COL5A2: variants seen among roughly 807,000 people sequenced by gnomAD.
The protein encoded by COL5A2 is collagen alpha-2(V) chain.
A neutral mutation model predicts 208.2 loss-of-function variants in COL5A2; 23 were observed. The ratio of observed to expected loss-of-function variants is 0.11; its 90% confidence interval spans 0.08 to 0.16. The LOEUF (loss-of-function observed/expected upper bound fraction) is 0.16. Ranked by LOEUF, COL5A2 falls within the 10% of genes least tolerant of loss-of-function variation. The probability of loss-of-function intolerance (pLI) is 1.00; values close to 1 mark genes in which losing one functional copy is unlikely to be tolerated. For missense variants in COL5A2, 1,590 were observed against 1,956.4 expected, an observed-to-expected ratio of 0.81 and a Z score of 3.53; for synonymous variants, 625 against 628.5, an observed-to-expected ratio of 0.99 and a Z score of 0.08.
chr2:189,126,335 T>C (rs531141887), intron 1 of COL5A2, among the ~76,000 whole-genome samples: 64 of 152,188 alleles, frequency 4.2e-4, no homozygotes, highest in African/African-American at 1.5e-3. Context: ...CTTTAAGTTG[T>C]GATTAAACCC....
chr2:189,350,087 A>C, the COL5A2 span, among the ~76,000 whole-genome samples: 3 of 152,190 alleles, frequency 2.0e-5, no homozygotes, highest in Non-Finnish European at 4.4e-5. Context: ...AGCAGTCACC[A>C]AGAATATATT....
At chr2:189,319,174 G>C in the COL5A2 span, among the ~76,000 whole-genome samples, 1 of 152,236 alleles carries the variant, frequency 6.6e-6, no homozygotes. Flanking sequence ...AACATGACAT[G>C]TTAAAGAAAG....
the COL5A2 span, among the ~76,000 whole-genome samples, chr2:189,431,355 A>G: frequency 2.0e-5 from 3 of 152,230 alleles, no homozygotes; most frequent in East Asian, 5.8e-4. Flanking sequence ...TGATGAGTCG[A>G]CAAAAGTAGG....
chr2:189,190,471 G>A (rs1351716020), intron 1 of COL5A2, among the ~76,000 whole-genome samples: 1 of 152,132 alleles, frequency 6.6e-6, no homozygotes, highest in Non-Finnish European at 1.5e-5. Flanking sequence ...TTATCTTCCT[G>A]TTAATTTACT....
Position 189,092,419 on chromosome 2 carries a change from C to T in COL5A2, c.458G>A (p.Gly153Asp). 1 of 1,581,476 alleles carries T rather than the reference C, an allele frequency of 6.3e-7. No individual in the cohort carries two copies. The highest frequency in any genetic ancestry group is 8.6e-7 in the Non-Finnish European group (1 of 1,159,802). Residue 153 changes from glycine (G) to aspartate (D), a missense_variant and splice_region_variant, in exon 7 of 54, where the codon GGC becomes GAC. Physicochemically the swap from Gly to Asp is moderately conservative, Grantham distance 94. Transcript: ENST00000374866. The stretch of plus-strand genomic sequence containing the variant: ...ATCAATTCCCTGAGGTCCACGAGGG[C>T]CCTGGAAAACAAGCCAGTTAAAATT... ...RGERGPKGRP[G>D]PRGPQGIDGE...
the COL5A2 span, among the ~76,000 whole-genome samples, chr2:189,309,765 CTG>C: frequency 6.6e-6 from 1 of 152,204 alleles, no homozygotes; most frequent in Non-Finnish European, 1.5e-5. Flanking sequence ...CTGTTAAACA[CTG>C]TGATGTGACC....
intron 1 of COL5A2, among the ~76,000 whole-genome samples, chr2:189,166,415 G>A (rs1395834639): frequency 6.6e-6 from 1 of 151,938 alleles, no homozygotes; most frequent in Non-Finnish European, 1.5e-5. Context: ...CAGTGAAATT[G>A]TCATCTTGGA....
the COL5A2 span, among the ~76,000 whole-genome samples, chr2:189,322,980 G>A: frequency 8.5e-6 from 1 of 118,030 alleles, no homozygotes; most frequent in South Asian, 3.4e-4. Flanking sequence ...ACCATGATCA[G>A]GTGGGCTTCA....
At chr2:189,149,159 A>T (rs1268464050) in intron 1 of COL5A2, among the ~76,000 whole-genome samples, 1 of 152,168 alleles carries the variant, frequency 6.6e-6, no homozygotes, top group Non-Finnish European at 1.5e-5. Flanking sequence ...AAGTTTTGAA[A>T]AATGAAAAAT....
rs771310130 is a variant in COL5A2 at position 189,036,709 on chromosome 2, G to A, written c.4020C>T (p.Asn1340=). 1 of 1,613,530 alleles carries A rather than the reference G, an allele frequency of 6.2e-7. No homozygotes were observed. Among genetic ancestry groups the A allele is most frequent in the South Asian group, 1.1e-5 (1 of 91,068 alleles). ...AGGTTTTACGTGGTACACTGGATGG[G>A]TTTGCTGAAATACATGTTTCTCCTG... ...METGETCISA[N]PSSVPRKTWW... Residue 1340 remains asparagine (N), a synonymous_variant, in exon 52 of 54, where the codon AAC becomes AAT. Coordinates refer to ENST00000374866, the MANE Select transcript of COL5A2 (RefSeq NM_000393.5).
chr2:189,050,307 A>T (rs1325176638), intron 43 of COL5A2, among the ~76,000 whole-genome samples: 2 of 152,216 alleles, frequency 1.3e-5, no homozygotes, highest in Non-Finnish European at 2.9e-5. Flanking sequence ...TCTTTGAAGA[A>T]GGATTTAAAG....
chr2:189,295,821 T>C, the COL5A2 span, among the ~76,000 whole-genome samples: 2 of 152,304 alleles, frequency 1.3e-5, no homozygotes, highest in East Asian at 1.9e-4. Context: ...AAGAGTAAAA[T>C]TGATAGATGA....
At chr2:189,150,093 A>G (rs1289610132) in intron 1 of COL5A2, among the ~76,000 whole-genome samples, 1 of 152,166 alleles carries the variant, frequency 6.6e-6, no homozygotes, top group Non-Finnish European at 1.5e-5. Flanking sequence ...TGAGGTCAAT[A>G]TGGAAAACTA....
chr2:189,355,738 A>G, the COL5A2 span, among the ~76,000 whole-genome samples: 14 of 152,226 alleles, frequency 9.2e-5, no homozygotes, highest in Admixed American at 4.6e-4. Flanking sequence ...CCAATTTGCC[A>G]GTCTGTGTCT....
chr2:189,072,082 C>A lies in COL5A2; in HGVS notation c.1116G>T (p.Gly372=), dbSNP rs1176036618. The change falls in exon 18 of 54, where the codon GGG becomes GGT. Residue 372 remains glycine, a synonymous_variant. Coordinates refer to ENST00000374866, the MANE Select transcript of COL5A2 (RefSeq NM_000393.5). ...CTGGAAAACCAGAAGAGCCTGGTATCCCAAGAGGACCCTATTAAAAGAAAC... is the reference window on the plus strand; with the variant it reads ...CTGGAAAACCAGAAGAGCCTGGTATACCAAGAGGACCCTATTAAAAGAAAC... The part of the protein sequence containing the change: ...PGKPGPMGPL[G]IPGSSGFPGN... 15 of 1,607,816 alleles carry A rather than the reference C, an allele frequency of 9.3e-6. No individual in the cohort carries two copies. The highest frequency in any genetic ancestry group is 1.3e-5 in the Non-Finnish European group (15 of 1,175,626).
the COL5A2 span, among the ~76,000 whole-genome samples, chr2:189,400,894 C>T: frequency 4.6e-5 from 7 of 152,242 alleles, no homozygotes; most frequent in South Asian, 1.2e-3. Flanking sequence ...AAAATCGTAT[C>T]CTTATAATTC....
At chr2:189,339,879 A>G in the COL5A2 span, among the ~76,000 whole-genome samples, 3 of 152,226 alleles carry the variant, frequency 2.0e-5, no homozygotes, top group African/African-American at 7.2e-5. Context: ...TAAGACAAAT[A>G]TAAGTTTCTC....
In COL5A2 at chr2:189,050,504, A is replaced by G. The variant is rs867211652; in HGVS notation, c.3039+65T>C. The G allele has an allele frequency of 4.3e-5, 57 of 1,324,574 alleles. No individual in the cohort carries two copies. In the Middle Eastern group the frequency reaches 1.8e-3, roughly 42 times the overall value. 82.1% of individuals were successfully genotyped at this position (1,324,574 alleles called of 1,614,324 possible). A position where few individuals can be genotyped will look rare whatever the true frequency, so the allele number is the denominator to read the frequency against. ...CTATTCATCAAGCAAAAAAAATAAA[A>G]TCAATTCTCTAAACAATTTGTATTG... On this transcript the variant is annotated intron_variant, in intron 43 of 53. Coordinates refer to ENST00000374866, the MANE Select transcript of COL5A2 (RefSeq NM_000393.5).
chr2:189,123,500 G>A (rs894033826), intron 1 of COL5A2, among the ~76,000 whole-genome samples: 1 of 152,096 alleles, frequency 6.6e-6, no homozygotes, highest in African/African-American at 2.4e-5. Context: ...GTCCTTATAA[G>A]GAGGGAAGAG....
Sources: gnomAD v4.1 joint callset for allele counts (sites outside exome capture counted in the v4.1 genomes callset) on GRCh38, gnomAD v4.1.1 for gene constraint, MANE v1.5 for transcripts, NCBI Gene and HGNC (gene_info 2026-07-23, HGNC 2026-07-21) for gene names.